The following IQCF6 variants were observed in gnomAD, a reference collection of about 807,000 sequenced individuals.
The protein encoded by IQCF6 is IQ domain-containing protein F6.
A neutral mutation model predicts 16.8 loss-of-function variants in IQCF6; 15 were observed. That is an observed-to-expected ratio of 0.89 (90% CI 0.60 to 1.37). The LOEUF (loss-of-function observed/expected upper bound fraction) is 1.37, where lower values mean the gene tolerates loss of function less well. IQCF6 is among the 40% of genes most tolerant of loss of function. The pLI is 0.00. For missense variants in IQCF6, 169 were observed against 197.4 expected (o/e 0.86, Z 0.86); for synonymous variants, 64 against 72.8 (o/e 0.88, Z 0.61).
At position 51,778,596 on chromosome 3, in the gene IQCF6, T is replaced by A. The variant is rs777411936; in HGVS notation, c.*27A>T. 3 of 1,488,098 alleles carry A rather than the reference T, an allele frequency of 2.0e-6. No individual in the cohort carries two copies. 92.2% of individuals were successfully genotyped at this position (1,488,098 alleles called of 1,614,324 possible). A position where few individuals can be genotyped will look rare whatever the true frequency, so the allele number is the denominator to read the frequency against. On this transcript the variant is annotated 3_prime_UTR_variant, in exon 2 of 2. Coordinates refer to ENST00000667863, the MANE Select transcript of IQCF6 (RefSeq NM_001368369.1). Reference sequence around the variant, plus strand: ...GTAAGGGTCTTTATTGGAAGAGAGATCCAGCCTCCTTGGCTCTGTCAGCGC... The same window carrying A: ...GTAAGGGTCTTTATTGGAAGAGAGAACCAGCCTCCTTGGCTCTGTCAGCGC...
rs1266983497 is a variant in IQCF6 at position 51,778,589 on chromosome 3, A to C, written c.*34T>G. On this transcript the variant is annotated 3_prime_UTR_variant, in exon 2 of 2. Coordinates refer to ENST00000667863, the MANE Select transcript of IQCF6 (RefSeq NM_001368369.1). ...ATGGTCAGTAAGGGTCTTTATTGGA[A>C]GAGAGATCCAGCCTCCTTGGCTCTG... 2.0e-6 allele frequency: 3 copies of C among 1,481,604 alleles called. No individual in the cohort carries two copies. In the East Asian group the frequency reaches 7.5e-5, roughly 37 times the overall value. 91.8% of individuals were successfully genotyped at this position (1,481,604 alleles called of 1,614,324 possible).
Position 51,779,217 on chromosome 3 carries a change from G to T in IQCF6, c.8C>A (p.Thr3Lys). 7.3e-7 allele frequency: 1 copy of T among 1,364,610 alleles called. No homozygotes were observed. The highest frequency in any genetic ancestry group is 9.4e-7 in the Non-Finnish European group (1 of 1,060,396). The allele number at this position is 1,364,610 out of a possible 1,614,324, so 84.5% of individuals were successfully genotyped here. The change falls in exon 1 of 2, where the codon ACG (threonine) becomes AAG (lysine). Residue 3 changes from threonine (T) to lysine (K), a missense_variant. Physicochemically the swap from Thr to Lys is moderately conservative, Grantham distance 78. Coordinates refer to ENST00000667863, the MANE Select transcript of IQCF6 (RefSeq NM_001368369.1). MD[T>K]QNVSKALAVG... The stretch of plus-strand genomic sequence containing the variant: ...TGCAAGGGCCTTACTCACATTTTGC[G>T]TGTCCATGGCCTTGATCCTTAGGGT...
At position 51,779,209 on chromosome 3, in the gene IQCF6, C is replaced by T. The variant is rs1704823399; in HGVS notation, c.16G>A (p.Val6Met). The change falls in exon 1 of 2, where the codon GTG becomes ATG. Residue 6 changes from valine to methionine, a missense_variant. Val to Met is a conservative substitution (Grantham distance 21). Coordinates refer to ENST00000667863, the MANE Select transcript of IQCF6 (RefSeq NM_001368369.1). MDTQN[V>M]SKALAVGTYL... ...GTCCCTACTGCAAGGGCCTTACTCA[C>T]ATTTTGCGTGTCCATGGCCTTGATC... 7.3e-7 allele frequency: 1 copy of T among 1,367,570 alleles called. No homozygotes were observed. Among genetic ancestry groups the T allele is most frequent in the Non-Finnish European group, 9.4e-7 (1 of 1,061,980 alleles). 84.7% of individuals were successfully genotyped at this position (1,367,570 alleles called of 1,614,324 possible). A position where few individuals can be genotyped will look rare whatever the true frequency, so the allele number is the denominator to read the frequency against.
In IQCF6 at chr3:51,779,225, G is replaced by A. The variant is rs1252762914; in HGVS notation, c.-1C>T. 1.1e-5 allele frequency: 15 copies of A among 1,349,630 alleles called. No individual in the cohort carries two copies. Among genetic ancestry groups the A allele is most frequent in the Non-Finnish European group, 1.4e-5 (15 of 1,052,528 alleles). The allele number at this position is 1,349,630 out of a possible 1,614,324, so 83.6% of individuals were successfully genotyped here. ...CCTTACTCACATTTTGCGTGTCCAT[G>A]GCCTTGATCCTTAGGGTCCACTTAT... On this transcript the variant is annotated 5_prime_UTR_variant, in exon 1 of 2. Coordinates refer to ENST00000667863, the MANE Select transcript of IQCF6 (RefSeq NM_001368369.1).
At chr3:51,779,065 G>A in intron 1 of IQCF6, 74 bp from the exon 2 acceptor site, 2 of 1,443,532 alleles carry the variant, frequency 1.4e-6, no homozygotes, top group South Asian at 3.0e-5. Context: ...CCCCATCTCT[G>A]ATCTTGGGAG....
At chr3:51,779,021 T>G in intron 1 of IQCF6, 30 bp from the exon 2 acceptor site, 1 of 1,496,240 alleles carries the variant, frequency 6.7e-7, no homozygotes, top group Non-Finnish European at 9.0e-7. Flanking sequence ...AACAGGGAGA[T>G]GCTCAATGGG....
rs953853019 is a variant in IQCF6, at chr3:51,779,171, A to T, written c.54T>A (p.Gly18=). The change falls in exon 1 of 2, where the codon GGT becomes GGA. Residue 18 remains glycine (G), a synonymous_variant. Transcript: ENST00000667863. ...CACTCACATTTAGACACGGTTCATT[A>T]CCTGTCAGGTAAGTCCCTACTGCAA... ...KALAVGTYLT[G]NEPCLNLEKT... is the part of the protein sequence containing the mutation. 1 of 1,411,372 alleles carries T rather than the reference A, an allele frequency of 7.1e-7. No individual in the cohort carries two copies. The highest frequency in any genetic ancestry group is 2.5e-5 in the East Asian group (1 of 39,616). 87.4% of individuals were successfully genotyped at this position (1,411,372 alleles called of 1,614,324 possible). A position where few individuals can be genotyped will look rare whatever the true frequency, so the allele number is the denominator to read the frequency against.
chr3:51,778,836 T>C lies in IQCF6; in HGVS notation c.228A>G (p.Arg76=), dbSNP rs958034915. Residue 76 remains arginine, a synonymous_variant, in exon 2 of 2, where the codon AGA becomes AGG. Transcript: ENST00000667863. Reference sequence around the variant, plus strand: ...CCGCCCACTCCTGGCAGGTATAGAGTCTTAGTGCCAGGCGCCGTCTTTGCT... The same window carrying C: ...CCGCCCACTCCTGGCAGGTATAGAGCCTTAGTGCCAGGCGCCGTCTTTGCT... ...MLEQRRRLAL[R]LYTCQEWAVV... The C allele has an allele frequency of 6.4e-7, 1 of 1,551,644 alleles. No individual in the cohort carries two copies. Among genetic ancestry groups the C allele is most frequent in the South Asian group, 1.2e-5 (1 of 84,054 alleles).
chr3:51,779,018 A>C, intron 1 of IQCF6, 27 bp from the exon 2 acceptor site: 1 of 1,498,310 alleles, frequency 6.7e-7, no homozygotes, highest in Non-Finnish European at 9.0e-7. Context: ...AAAAACAGGG[A>C]GATGCTCAAT....
rs1331583359 is a variant in IQCF6, at chr3:51,779,173, C to T, written c.52G>A (p.Gly18Ser). 1.4e-6 allele frequency: 2 copies of T among 1,411,396 alleles called. No individual in the cohort carries two copies. Among genetic ancestry groups the T allele is most frequent in the Admixed American group, 5.8e-5 (2 of 34,500 alleles). 87.4% of individuals were successfully genotyped at this position (1,411,396 alleles called of 1,614,324 possible). A position where few individuals can be genotyped will look rare whatever the true frequency, so the allele number is the denominator to read the frequency against. Residue 18 changes from glycine (G) to serine (S), a missense_variant, in exon 1 of 2, where the codon GGT (glycine) becomes AGT (serine). By Grantham distance (56) the Gly-to-Ser change is moderately conservative. Transcript: ENST00000667863. ...CTCACATTTAGACACGGTTCATTAC[C>T]TGTCAGGTAAGTCCCTACTGCAAGG... ...KALAVGTYLT[G>S]NEPCLNLEKT...
In IQCF6 at chr3:51,778,700, T is replaced by A. The variant is rs1473872794; in HGVS notation, c.364A>T (p.Thr122Ser). ...TAGTGGCCCCGGATCAGGCCTCGGG[T>A]TTGGCTGGCATGCCAGCGCCAGTGA... ...QSHWRWHASQ[T>S]RGLIRGHYEV... Residue 122 changes from threonine (T) to serine (S), a missense_variant, in exon 2 of 2, where the codon ACC becomes TCC. Physicochemically the swap from Thr to Ser is moderately conservative, Grantham distance 58 (BLOSUM62 1). Coordinates refer to ENST00000667863, the MANE Select transcript of IQCF6 (RefSeq NM_001368369.1). The A allele has an allele frequency of 6.4e-6, 10 of 1,551,390 alleles. No homozygotes were observed.
At position 51,779,191 on chromosome 3, in the gene IQCF6, C is replaced by T; in HGVS notation, c.34G>A (p.Val12Ile). 1 of 1,390,640 alleles carries T rather than the reference C, an allele frequency of 7.2e-7. No homozygotes were observed. Among genetic ancestry groups the T allele is most frequent in the East Asian group, 2.5e-5 (1 of 39,338 alleles). The allele number at this position is 1,390,640 out of a possible 1,614,324, so 86.1% of individuals were successfully genotyped here. A position where few individuals can be genotyped will look rare whatever the true frequency, so the allele number is the denominator to read the frequency against. Residue 12 changes from valine (V) to isoleucine (I), a missense_variant, in exon 1 of 2, where the codon GTA (valine) becomes ATA (isoleucine). Val to Ile is a conservative substitution (Grantham distance 29). Coordinates refer to ENST00000667863, the MANE Select transcript of IQCF6 (RefSeq NM_001368369.1). ...DTQNVSKALAVGTYLTGNEPC... is the reference protein window; with the variant it reads ...DTQNVSKALAIGTYLTGNEPC... ...TCATTACCTGTCAGGTAAGTCCCTACTGCAAGGGCCTTACTCACATTTTGC... is the reference window on the plus strand; with the variant it reads ...TCATTACCTGTCAGGTAAGTCCCTATTGCAAGGGCCTTACTCACATTTTGC...
chr3:51,778,713 C>T lies in IQCF6; in HGVS notation c.351G>A (p.Trp117Ter). 1 of 1,551,646 alleles carries T rather than the reference C, an allele frequency of 6.4e-7. No individual in the cohort carries two copies. The highest frequency in any genetic ancestry group is 1.2e-5 in the South Asian group (1 of 84,058). ...TCAGGCCTCGGGTTTGGCTGGCATGCCAGCGCCAGTGAGACTGGATGATGC... is the reference window on the plus strand; with the variant it reads ...TCAGGCCTCGGGTTTGGCTGGCATGTCAGCGCCAGTGAGACTGGATGATGC... The part of the protein sequence containing the change: ...AACIIQSHWR[W>*]HASQTRGLIR... The change falls in exon 2 of 2, where the codon TGG becomes TGA. Residue 117 changes from tryptophan to a stop codon, truncating the protein, a stop_gained. Transcript: ENST00000667863. LOFTEE classifies it high-confidence loss of function.
rs961345362 is a variant in IQCF6, at chr3:51,779,217, G to A, written c.8C>T (p.Thr3Met). ...TGCAAGGGCCTTACTCACATTTTGC[G>A]TGTCCATGGCCTTGATCCTTAGGGT... Reference protein sequence around the residue: MDTQNVSKALAVG... With the variant: MDMQNVSKALAVG... Residue 3 changes from threonine (T) to methionine (M), a missense_variant, in exon 1 of 2, where the codon ACG becomes ATG. Thr to Met is a moderately conservative substitution (Grantham distance 81). Coordinates refer to ENST00000667863, the MANE Select transcript of IQCF6 (RefSeq NM_001368369.1). The A allele has an allele frequency of 4.0e-5, 54 of 1,364,490 alleles. No homozygotes were observed. The highest frequency in any genetic ancestry group is 4.8e-5 in the Non-Finnish European group (51 of 1,060,402). 84.5% of individuals were successfully genotyped at this position (1,364,490 alleles called of 1,614,324 possible).
At position 51,778,743 on chromosome 3, in the gene IQCF6, C is replaced by G. The variant is rs756950597; in HGVS notation, c.321G>C (p.Ala107=). The G allele has an allele frequency of 1.9e-6, 3 of 1,551,618 alleles. No homozygotes were observed. The highest frequency in any genetic ancestry group is 2.4e-5 in the South Asian group (2 of 84,052). Residue 107 remains alanine, a synonymous_variant, in exon 2 of 2, where the codon GCG becomes GCC. Transcript: ENST00000667863. The stretch of plus-strand genomic sequence containing the variant: ...GCCAGTGAGACTGGATGATGCAGGC[C>G]GCTTGGCGTGCCTGGAGGAACCGCC... ...ARRRFLQARQ[A]ACIIQSHWRW...
rs768933908 is a variant in IQCF6, at chr3:51,778,657, C to T, written c.407G>A (p.Arg136Gln). The T allele has an allele frequency of 2.1e-5, 33 of 1,542,800 alleles. No individual in the cohort carries two copies. The highest frequency in any genetic ancestry group is 5.9e-5 in the Admixed American group (3 of 50,622). The part of the protein sequence containing the change: ...IRGHYEVRAS[R>Q]LELDIEILMT ...GAGGATTTCGATGTCAAGCTCCAGC[C>T]GGCTGGCTCTGACCTCATAGTGGCC... The change falls in exon 2 of 2, where the codon CGG (arginine) becomes CAG (glutamine). Residue 136 changes from arginine (R) to glutamine (Q), a missense_variant. By Grantham distance (43) the Arg-to-Gln change is conservative. Coordinates refer to ENST00000667863, the MANE Select transcript of IQCF6 (RefSeq NM_001368369.1).
In IQCF6 at chr3:51,778,657, CG is replaced by C; in HGVS notation, c.406del (p.Arg136GlyfsTer10). 1 of 1,542,918 alleles carries C rather than the reference CG, an allele frequency of 6.5e-7. No individual in the cohort carries two copies. The highest frequency in any genetic ancestry group is 8.8e-7 in the Non-Finnish European group (1 of 1,140,122). On this transcript the variant is annotated frameshift_variant, in exon 2 of 2. Transcript: ENST00000667863. LOFTEE classifies it high-confidence loss of function. ...IRGHYEVRAS[R>X]LELDIEILMT is the part of the protein sequence containing the mutation. ...GAGGATTTCGATGTCAAGCTCCAGC[CG>C]GCTGGCTCTGACCTCATAGTGGCCC... is the stretch of plus-strand genomic sequence containing the variant.
At position 51,778,676 on chromosome 3, in the gene IQCF6, A is replaced by G; in HGVS notation, c.388T>C (p.Tyr130His). 2 of 1,549,952 alleles carry G rather than the reference A, an allele frequency of 1.3e-6. No homozygotes were observed. The highest frequency in any genetic ancestry group is 1.4e-5 in the African/African-American group (1 of 73,118). ...TCCAGCCGGCTGGCTCTGACCTCAT[A>G]GTGGCCCCGGATCAGGCCTCGGGTT... ...SQTRGLIRGH[Y>H]EVRASRLELD... Residue 130 changes from tyrosine (Y) to histidine (H), a missense_variant, in exon 2 of 2, where the codon TAT (tyrosine) becomes CAT (histidine). Transcript: ENST00000667863.
rs548838667 is a variant in IQCF6, at chr3:51,779,064, T to C, written c.73-73A>G. The C allele has an allele frequency of 1.9e-4, 270 of 1,445,166 alleles. 1 individual carries two copies. The Middle Eastern group carries it at 2.9e-3, about 16-fold the overall frequency. 89.5% of individuals were successfully genotyped at this position (1,445,166 alleles called of 1,614,324 possible). ...CCCCTCCTGTTCCTATCCCCATCTC[T>C]GATCTTGGGAGGAAAGAAGGCCTGG... is the stretch of plus-strand genomic sequence containing the variant. On this transcript the variant is annotated intron_variant, in intron 1 of 1. Transcript: ENST00000667863.
Sources: allele counts gnomAD v4.1 joint callset, GRCh38; gene constraint gnomAD v4.1.1; transcripts MANE v1.5; gene names NCBI Gene and HGNC (gene_info 2026-07-23, HGNC 2026-07-21).